RELN: variants seen among roughly 807,000 people sequenced by gnomAD.
RELN encodes reelin.
Under a neutral mutation model 427.6 loss-of-function variants are expected in RELN, and 108 were observed. That is an observed-to-expected ratio of 0.25 (90% confidence interval 0.22 to 0.30). The LOEUF (loss-of-function observed/expected upper bound fraction) is 0.30, where lower values mean the gene tolerates loss of function less well. Among genes scored for constraint, RELN ranks in the 10% least tolerant of loss-of-function variants. The probability of loss-of-function intolerance (pLI) is 1.00; values close to 1 mark genes in which losing one functional copy is unlikely to be tolerated. For synonymous variants in RELN, 1,524 were observed against 1,513.4 expected (o/e 1.01, Z -0.16); for missense variants, 3,715 against 4,302.8 (o/e 0.86, Z 3.82).
intron 1 of RELN, among the ~76,000 whole-genome samples, chr7:103,950,099 T>C (rs947254725): frequency 6.6e-6 from 1 of 152,210 alleles, no homozygotes; most frequent in Admixed American, 6.5e-5. Flanking sequence ...TCCTGGTTTA[T>C]AGATGGGGCC....
chr7:103,803,975 G>A lies in RELN; in HGVS notation c.474-27348C>T, dbSNP rs146794292. ...CATAAAAACCACTGAGAATCTTTGA[G>A]TTCTGTGTTTAAGATCTTCAAATGA... On this transcript the variant is annotated intron_variant, in intron 3 of 64. Transcript: ENST00000428762. Among the ~76,000 whole-genome samples the A allele has an allele frequency of 2.1e-3, 327 of 152,138 alleles. 2 individuals carry two copies. Among genetic ancestry groups the A allele is most frequent in the African/African-American group, 7.5e-3 (312 of 41,548 alleles).
rs898994655 is a variant in RELN, at chr7:103,579,984, G to A, written c.4146-4279C>T. Among the ~76,000 whole-genome samples, 5 of 152,284 alleles carry A rather than the reference G, an allele frequency of 3.3e-5. No individual in the cohort carries two copies. In the East Asian group the frequency reaches 7.7e-4, roughly 24 times the overall value. ...GGCTACATAGCATATTGCCTGGATG[G>A]GGATGTCTCTGAGAGTTGCGAGAGG... On this transcript the variant is annotated intron_variant, in intron 28 of 64. Transcript: ENST00000428762.
intron 20 of RELN, among the ~76,000 whole-genome samples, chr7:103,617,778 C>T (rs550969230): frequency 6.6e-6 from 1 of 152,066 alleles, no homozygotes; most frequent in South Asian, 2.1e-4. Flanking sequence ...GAAGAGGGGG[C>T]CTAATGGGAG....
rs374421224 is a variant in RELN at position 103,884,172 on chromosome 7, G to A, written c.337+32903C>T. ...TCTTTGACAAACCTGATAAAAACAA[G>A]AAATGGGGAAAGGATTCCCTATTTA... On this transcript the variant is annotated intron_variant, in intron 2 of 64. Transcript: ENST00000428762. Among the ~76,000 whole-genome samples the A allele has an allele frequency of 2.6e-5, 4 of 152,068 alleles. No individual in the cohort carries two copies. In the East Asian group the frequency reaches 5.8e-4, roughly 22 times the overall value.
chr7:103,970,476 C>A (rs9632691), intron 1 of RELN, among the ~76,000 whole-genome samples: 108,103 of 151,912 alleles, frequency 0.71, 39,224 homozygotes, highest in African/African-American at 0.86. Flanking sequence ...ATTTCTTTTT[C>A]TTTTTCTTTT....
chr7:103,843,281 T>G (rs1444531220), intron 2 of RELN, among the ~76,000 whole-genome samples: 1 of 152,054 alleles, frequency 6.6e-6, no homozygotes, highest in Non-Finnish European at 1.5e-5. Flanking sequence ...CACAGCTCAC[T>G]GCAGCCTCAA....
chr7:103,594,591 T>C, intron 25 of RELN, 99 bp from the exon 26 acceptor site: 1 of 1,310,356 alleles, frequency 7.6e-7, no homozygotes, highest in Non-Finnish European at 1.1e-6. Context: ...AGAAAAGTTT[T>C]GTTTGGTTTG....
At chr7:103,896,883 G>A (rs1295787946) in intron 2 of RELN, among the ~76,000 whole-genome samples, 4 of 151,960 alleles carry the variant, frequency 2.6e-5, no homozygotes, top group East Asian at 1.9e-4. Flanking sequence ...CTGTTCTCAT[G>A]CTGCTAATAA....
At position 103,515,403 on chromosome 7, in the gene RELN, A is replaced by T; in HGVS notation, c.7901T>A (p.Ile2634Asn). Residue 2634 changes from isoleucine to asparagine, a missense_variant, in exon 50 of 65, where the codon ATT becomes AAT. By Grantham distance (149) the Ile-to-Asn change is moderately radical. Transcript: ENST00000428762. ...CTGCCACCAGCGGAAGCGAGTGGCA[A>T]TCTCTTTAGCATCAGGAGGGAGAAG... Reference protein sequence around the residue: ...NILLPPDAKEIATRFRWWQPR... With the variant: ...NILLPPDAKENATRFRWWQPR... The T allele has an allele frequency of 6.2e-7, 1 of 1,614,134 alleles. No individual in the cohort carries two copies. The highest frequency in any genetic ancestry group is 8.5e-7 in the Non-Finnish European group (1 of 1,180,008).
intron 6 of RELN, among the ~76,000 whole-genome samples, chr7:103,730,531 C>G (rs1422755827): frequency 6.6e-6 from 1 of 151,876 alleles, no homozygotes; most frequent in East Asian, 1.9e-4. Context: ...ACAGATAAAG[C>G]TATTCTTCCC....
chr7:103,894,660 C>T (rs909873713), intron 2 of RELN, among the ~76,000 whole-genome samples: 10 of 152,110 alleles, frequency 6.6e-5, no homozygotes, highest in Non-Finnish European at 1.2e-4. Context: ...TTACCGATTT[C>T]GTGCACTCAA....
At chr7:103,550,393 A>G (rs362784) in intron 41 of RELN, among the ~76,000 whole-genome samples, 119,758 of 152,098 alleles carry the variant, frequency 0.79, 47,338 homozygotes, top group African/African-American at 0.85. Flanking sequence ...TTAATTCTGA[A>G]AGAAAAAACA....
At chr7:103,773,761 C>A (rs955231930) in intron 4 of RELN, among the ~76,000 whole-genome samples, 1 of 151,962 alleles carries the variant, frequency 6.6e-6, no homozygotes, top group African/African-American at 2.4e-5. Context: ...TGACCCACTG[C>A]GCGCGGCCTC....
At chr7:103,830,067 A>G (rs190583618) in intron 3 of RELN, among the ~76,000 whole-genome samples, 28 of 115,308 alleles carry the variant, frequency 2.4e-4, no homozygotes, top group African/African-American at 7.2e-4. Context: ...AAAATAAAGT[A>G]GACACTGCCA....
chr7:103,917,252 G>T, intron 1 of RELN, 67 bp from the exon 2 acceptor site: 7 of 1,197,224 alleles, frequency 5.8e-6, no homozygotes, highest in Non-Finnish European at 8.7e-6. Flanking sequence ...TTTCTGAAGT[G>T]TTAGACATTG....
chr7:103,505,394 C>G (rs1683360127), intron 51 of RELN, among the ~76,000 whole-genome samples: 1 of 152,172 alleles, frequency 6.6e-6, no homozygotes, highest in Admixed American at 6.5e-5. Flanking sequence ...CTTTGCTGTT[C>G]TGTAGCCTCT....
intron 1 of RELN, among the ~76,000 whole-genome samples, chr7:103,949,017 G>T (rs1281307171): frequency 1.1e-4 from 11 of 97,896 alleles, no homozygotes; most frequent in African/African-American, 4.7e-5. Context: ...ATGAGACATT[G>T]TCTCCAAAAA....
chr7:103,625,174 A>T (rs1439676488), intron 20 of RELN, among the ~76,000 whole-genome samples: 2 of 152,214 alleles, frequency 1.3e-5, no homozygotes, highest in East Asian at 1.9e-4. Flanking sequence ...TCCTTCAGGT[A>T]TGGGATTTCC....
At chr7:103,942,782 C>T (rs188597496) in intron 1 of RELN, among the ~76,000 whole-genome samples, 1 of 152,070 alleles carries the variant, frequency 6.6e-6, no homozygotes, top group Admixed American at 6.6e-5. Context: ...AGTGGTGGCA[C>T]GTGCCTGTAG....
Sources: allele counts gnomAD v4.1 joint callset (sites outside exome capture counted in the v4.1 genomes callset), GRCh38; gene constraint gnomAD v4.1.1; transcripts MANE v1.5; gene names NCBI Gene and HGNC (gene_info 2026-07-23, HGNC 2026-07-21).